Variants in ASPRV1 observed in about 807,000 individuals in gnomAD.
ASPRV1 encodes retroviral-like aspartic protease 1.
Under a neutral mutation model 11.0 loss-of-function variants are expected in ASPRV1, and 7 were observed. The observed-to-expected ratio is 0.64, with a 90% CI of 0.36 to 1.20. The LOEUF is 1.20. Ranked by LOEUF, ASPRV1 falls within the 50% of genes most tolerant of loss-of-function variation. The pLI, the probability that ASPRV1 is intolerant of heterozygous loss-of-function variation, is 0.02. For synonymous variants in ASPRV1, 136 were observed against 138.4 expected (o/e 0.98, Z 0.12); for missense variants, 299 against 320.0 (o/e 0.93, Z 0.50).
chr2:69,940,842 C>T, the ASPRV1 span: 1 of 152,664 alleles, frequency 6.6e-6, no homozygotes, highest in Admixed American at 6.5e-5. Flanking sequence ...CCAGCAAACT[C>T]AGCCCAAGGC....
chr2:69,949,254 CGAATGAATGAAT>C, the ASPRV1 span, among the ~76,000 whole-genome samples: 55 of 150,684 alleles, frequency 3.7e-4, 1 homozygote, highest in East Asian at 3.9e-4. Flanking sequence ...GATGGATGGG[CGAATGAATGAAT>C]GAATGAATGA....
At chr2:70,009,333 T>TA in the ASPRV1 span, among the ~76,000 whole-genome samples, 2 of 151,694 alleles carry the variant, frequency 1.3e-5, no homozygotes, top group Non-Finnish European at 2.9e-5. Flanking sequence ...TTTATTTATT[T>TA]ATTTATTTAT....
chr2:70,055,312 AAAAG>A, the ASPRV1 span, among the ~76,000 whole-genome samples: 444 of 152,294 alleles, frequency 2.9e-3, 4 homozygotes, highest in South Asian at 0.04. Context: ...CGTCTCAAAA[AAAAG>A]AAAAAGACAC....
the ASPRV1 span, chr2:70,049,227 G>A: frequency 8.0e-6 from 1 of 124,904 alleles, no homozygotes; most frequent in African/African-American, 3.1e-5. Flanking sequence ...CATAGGTTCT[G>A]GGACAACATG....
the ASPRV1 span, among the ~76,000 whole-genome samples, chr2:69,951,595 AGAT>A: frequency 6.6e-6 from 1 of 150,982 alleles, no homozygotes; most frequent in Non-Finnish European, 1.5e-5. Context: ...ATAGATAGAT[AGAT>A]ATGATATGTA....
At chr2:69,988,575 A>G in the ASPRV1 span, 1 of 340,254 alleles carries the variant, frequency 2.9e-6, no homozygotes, top group South Asian at 2.3e-5. Flanking sequence ...TCAGTGTGGG[A>G]AGATGAAGAA....
the ASPRV1 span, among the ~76,000 whole-genome samples, chr2:69,997,158 C>G: frequency 2.0e-5 from 3 of 150,310 alleles, no homozygotes; most frequent in Non-Finnish European, 2.9e-5. Flanking sequence ...TGCACTCTAG[C>G]CTGGGTGACA....
chr2:70,069,452 T>C, the ASPRV1 span: 19 of 152,324 alleles, frequency 1.2e-4, no homozygotes, highest in African/African-American at 3.8e-4. Context: ...TATATGTTTT[T>C]GATATTTACA....
chr2:70,071,606 G>C, the ASPRV1 span: 2 of 152,158 alleles, frequency 1.3e-5, no homozygotes, highest in East Asian at 3.9e-4. Flanking sequence ...GCCAGGCGTA[G>C]TGGCACACAC....
downstream of ASPRV1, among the ~76,000 whole-genome samples, chr2:69,956,765 G>C (rs1677950729): frequency 6.6e-6 from 1 of 152,126 alleles, no homozygotes; most frequent in Non-Finnish European, 1.5e-5. Flanking sequence ...ACAGCATTTT[G>C]ACCAAGTGAT....
the ASPRV1 span, among the ~76,000 whole-genome samples, chr2:69,974,298 T>TG: frequency 6.6e-6 from 1 of 151,670 alleles, no homozygotes; most frequent in Non-Finnish European, 1.5e-5. Context: ...GATCGTGCCA[T>TG]TGCACTCCAG....
the ASPRV1 span, among the ~76,000 whole-genome samples, chr2:70,079,722 T>C: frequency 6.6e-6 from 1 of 152,178 alleles, no homozygotes; most frequent in Non-Finnish European, 1.5e-5. Context: ...GGGTGAGAAA[T>C]GACCACTGAC....
At chr2:70,008,106 G>A in the ASPRV1 span, among the ~76,000 whole-genome samples, 2 of 151,920 alleles carry the variant, frequency 1.3e-5, no homozygotes, top group African/African-American at 4.8e-5. Context: ...AAAGTACTGG[G>A]ATTATAGGCA....
At chr2:69,962,883 G>A (rs905977044), upstream of ASPRV1, 1 of 197,304 alleles carries the variant, frequency 5.1e-6, no homozygotes, top group Non-Finnish European at 1.1e-5. Flanking sequence ...ACTTCCTCTG[G>A]GACCCAGGGG....
chr2:69,932,996 C>T, the ASPRV1 span, among the ~76,000 whole-genome samples: 2 of 151,902 alleles, frequency 1.3e-5, no homozygotes, highest in South Asian at 4.1e-4. Context: ...GTCAGGAGTT[C>T]GAGACCAGCC....
At chr2:69,989,236 G>A in the ASPRV1 span, among the ~76,000 whole-genome samples, 1 of 152,250 alleles carries the variant, frequency 6.6e-6, no homozygotes, top group African/African-American at 2.4e-5. Context: ...TCTTGCCCAG[G>A]GTGGGGTATG....
downstream of ASPRV1, among the ~76,000 whole-genome samples, chr2:69,957,918 T>G (rs1677976231): frequency 6.6e-6 from 1 of 152,202 alleles, no homozygotes; most frequent in Non-Finnish European, 1.5e-5. Context: ...GTATAAGGAC[T>G]GCCATGGTGT....
the ASPRV1 span, among the ~76,000 whole-genome samples, chr2:69,954,596 TCTC>T: frequency 1.9e-3 from 295 of 152,296 alleles, 3 homozygotes; most frequent in African/African-American, 6.3e-3. Flanking sequence ...GCCCCCGTCT[TCTC>T]CTCCTGTCTC....
At chr2:70,087,353 GGGTT>G in the ASPRV1 span, 4 of 152,090 alleles carry the variant, frequency 2.6e-5, no homozygotes, top group African/African-American at 9.7e-5. Context: ...GACCATGTAA[GGGTT>G]GGCGCAATCT....
Sources: gnomAD v4.1 joint callset for allele counts (sites outside exome capture counted in the v4.1 genomes callset) on GRCh38, gnomAD v4.1.1 for gene constraint, MANE v1.5 for transcripts, NCBI Gene and HGNC (gene_info 2026-07-23, HGNC 2026-07-21) for gene names.